Variants in MREG observed in about 807,000 individuals in gnomAD.
The protein encoded by MREG is dilute suppressor protein homolog.
A neutral mutation model predicts 28.5 loss-of-function variants in MREG; 31 were observed. The observed-to-expected ratio is 1.09, with a 90% CI of 0.82 to 1.47. MREG has a LOEUF of 1.47. Among genes scored for constraint, MREG ranks in the 40% most tolerant of loss-of-function variants. The pLI is 0.00. For synonymous variants in MREG, 106 were observed against 95.2 expected (o/e 1.11, Z -0.66); for missense variants, 256 against 257.4 (o/e 0.99, Z 0.04).
chr2:215,949,060 CTA>C (rs1692396791), intron 2 of MREG, among the ~76,000 whole-genome samples: 2 of 140,384 alleles, frequency 1.4e-5, no homozygotes, highest in South Asian at 4.8e-4. Context: ...ACTACTACTA[CTA>C]CTACTACTAC....
intron 1 of MREG, among the ~76,000 whole-genome samples, chr2:216,011,692 C>T (rs1372945296): frequency 6.7e-6 from 1 of 149,804 alleles, no homozygotes; most frequent in East Asian, 2.0e-4. Context: ...CTTGTATTCA[C>T]TGGATAGAAG....
At chr2:216,024,433 G>A (rs1694564304) in intron 1 of MREG, among the ~76,000 whole-genome samples, 2 of 151,598 alleles carry the variant, frequency 1.3e-5, no homozygotes, top group Admixed American at 1.3e-4. Flanking sequence ...CTGGGTGACA[G>A]AGTGAGACTC....
chr2:215,983,786 G>A (rs1390886687), intron 2 of MREG, among the ~76,000 whole-genome samples: 1 of 152,134 alleles, frequency 6.6e-6, no homozygotes, highest in East Asian at 1.9e-4. Context: ...GTGACCATGT[G>A]GTTCCTGCTG....
chr2:215,949,085 T>G (rs1236373038), intron 2 of MREG, among the ~76,000 whole-genome samples: 1 of 119,684 alleles, frequency 8.4e-6, no homozygotes, highest in Non-Finnish European at 1.8e-5. Context: ...CTACTACTAC[T>G]ACTAATAATA....
chr2:215,968,859 A>T (rs1693013862), intron 2 of MREG, among the ~76,000 whole-genome samples: 1 of 152,180 alleles, frequency 6.6e-6, no homozygotes, highest in Non-Finnish European at 1.5e-5. Flanking sequence ...AAGCTCAAGC[A>T]ATCTTCCCGC....
intron 1 of MREG, among the ~76,000 whole-genome samples, chr2:216,000,980 C>G (rs952946538): frequency 6.6e-6 from 1 of 152,070 alleles, no homozygotes; most frequent in Admixed American, 6.6e-5. Context: ...CCTCTCACAA[C>G]CTCTCTCTCT....
upstream of MREG, among the ~76,000 whole-genome samples, chr2:216,018,497 A>C (rs982261139): frequency 6.6e-6 from 1 of 152,252 alleles, no homozygotes; most frequent in Non-Finnish European, 1.5e-5. Context: ...TTGGCATGGA[A>C]GGTTATGTTT....
At chr2:215,993,961 G>GAAGAGGGCTTTGTCGTTCA (rs1559190718) in intron 2 of MREG, among the ~76,000 whole-genome samples, 2 of 152,086 alleles carry the variant, frequency 1.3e-5, no homozygotes, top group African/African-American at 4.8e-5. Flanking sequence ...TACACTGTTG[G>GAAGAGGGCTTTGTCGTTCA]TGGGAGTGTA....
intron 1 of MREG, among the ~76,000 whole-genome samples, chr2:216,025,310 C>T (rs911768306): frequency 1.3e-5 from 2 of 152,226 alleles, no homozygotes; most frequent in Admixed American, 1.3e-4. Flanking sequence ...CTACTACCCA[C>T]AGACAGCCCA....
chr2:215,995,294 C>T (rs77370642), intron 2 of MREG, among the ~76,000 whole-genome samples: 4,108 of 152,284 alleles, frequency 0.027, 178 homozygotes, highest in African/African-American at 0.093. Flanking sequence ...GCAGAGGCAA[C>T]TGCCGGCCCT....
chr2:215,951,671 C>A (rs1000125091), intron 2 of MREG, among the ~76,000 whole-genome samples: 2 of 152,082 alleles, frequency 1.3e-5, no homozygotes, highest in African/African-American at 2.4e-5. Flanking sequence ...ATGTTTATAG[C>A]TGAATTCTTG....
intron 2 of MREG, among the ~76,000 whole-genome samples, chr2:215,986,437 G>C (rs1476723186): frequency 6.6e-6 from 1 of 152,140 alleles, no homozygotes; most frequent in East Asian, 1.9e-4. Context: ...TGAAGGGCAG[G>C]GGGTACCCAC....
chr2:215,943,190 T>G lies in MREG; in HGVS notation c.*1673A>C. ...TCTGTAAAAATAAAAATATTTCCAT[T>G]TTTCTCAGCAATCTATGGATTAACC... On this transcript the variant is annotated 3_prime_UTR_variant, in exon 5 of 5. Coordinates refer to ENST00000263268, the MANE Select transcript of MREG (RefSeq NM_018000.3). 1 of 253,816 alleles carries G rather than the reference T, an allele frequency of 3.9e-6. No homozygotes were observed. The highest frequency in any genetic ancestry group is 9.6e-5 in the East Asian group (1 of 10,466). 15.7% of individuals were successfully genotyped at this position (253,816 alleles called of 1,614,324 possible). A position where few individuals can be genotyped will look rare whatever the true frequency, so the allele number is the denominator to read the frequency against.
intron 2 of MREG, among the ~76,000 whole-genome samples, chr2:215,956,264 G>A (rs1272066045): frequency 2.0e-5 from 3 of 152,152 alleles, no homozygotes; most frequent in Non-Finnish European, 4.4e-5. Flanking sequence ...CATTCCTGAG[G>A]ATTAACTGAG....
At chr2:216,007,171 T>C (rs998637459) in intron 1 of MREG, among the ~76,000 whole-genome samples, 11 of 152,206 alleles carry the variant, frequency 7.2e-5, no homozygotes, top group African/African-American at 2.4e-4. Flanking sequence ...CAATCTTCAT[T>C]ATTTGGAGAT....
chr2:215,979,508 A>ATAG, intron 2 of MREG, among the ~76,000 whole-genome samples: 1 of 146,440 alleles, frequency 6.8e-6, no homozygotes, highest in South Asian at 2.1e-4. Flanking sequence ...AATAATAATA[A>ATAG]TAATAAAAGG....
In MREG at chr2:215,944,700, G is replaced by T; in HGVS notation, c.*163C>A. 1.6e-6 allele frequency: 1 copy of T among 633,016 alleles called. No homozygotes were observed. Among genetic ancestry groups the T allele is most frequent in the East Asian group, 2.9e-5 (1 of 34,892 alleles). 39.2% of individuals were successfully genotyped at this position (633,016 alleles called of 1,614,324 possible). A position where few individuals can be genotyped will look rare whatever the true frequency, so the allele number is the denominator to read the frequency against. Reference sequence around the variant, plus strand: ...TCAATGCAGCCTGCACAATTCATGGGGCAGGGTCCTCAGATTAAAGACTTT... The same window carrying T: ...TCAATGCAGCCTGCACAATTCATGGTGCAGGGTCCTCAGATTAAAGACTTT... On this transcript the variant is annotated 3_prime_UTR_variant, in exon 5 of 5. Coordinates refer to ENST00000263268, the MANE Select transcript of MREG (RefSeq NM_018000.3).
chr2:215,985,958 G>T (rs1057144429), intron 2 of MREG, among the ~76,000 whole-genome samples: 2 of 151,884 alleles, frequency 1.3e-5, no homozygotes, highest in African/African-American at 4.8e-5. Flanking sequence ...ATCCTGTGTG[G>T]AAAAGAAAAT....
At chr2:215,956,085 T>C (rs2105974821) in intron 2 of MREG, among the ~76,000 whole-genome samples, 1 of 152,210 alleles carries the variant, frequency 6.6e-6, no homozygotes, top group Non-Finnish European at 1.5e-5. Context: ...AGGTACAATA[T>C]AAAGGCCAAA....
Sources: gnomAD v4.1 joint callset for allele counts (sites outside exome capture counted in the v4.1 genomes callset) on GRCh38, gnomAD v4.1.1 for gene constraint, MANE v1.5 for transcripts, NCBI Gene and HGNC (gene_info 2026-07-23, HGNC 2026-07-21) for gene names.